CDC27: variants seen among roughly 807,000 people sequenced by gnomAD.
CDC27 encodes the protein cell division cycle 27.
A neutral mutation model predicts 109.7 loss-of-function variants in CDC27; 27 were observed. The observed-to-expected ratio is 0.25, with a 90% CI of 0.18 to 0.34. The LOEUF (loss-of-function observed/expected upper bound fraction) is 0.34, where lower values mean the gene tolerates loss of function less well. CDC27 is among the 10% of genes least tolerant of loss of function. The probability of loss-of-function intolerance (pLI) is 1.00; values close to 1 mark genes in which losing one functional copy is unlikely to be tolerated. For missense variants in CDC27, 579 were observed against 960.2 expected (o/e 0.60, Z 5.25); for synonymous variants, 266 against 333.9 (o/e 0.80, Z 2.22).
intron 1 of CDC27, chr17:47,188,685 A>G: frequency 1.1e-6 from 1 of 899,134 alleles, no homozygotes; most frequent in Non-Finnish European, 1.3e-6. Flanking sequence ...GACCGATCCT[A>G]CGCTCCCTCC....
intron 17 of CDC27, among the ~76,000 whole-genome samples, chr17:47,122,808 G>C (rs952551870): frequency 2.0e-5 from 3 of 152,010 alleles, no homozygotes; most frequent in Admixed American, 2.0e-4. Context: ...TGAGTAGCTC[G>C]GACTACAGGT....
chr17:47,132,395 A>T (rs755651588), intron 14 of CDC27, 21 bp from the exon 15 acceptor site: 2 of 1,176,254 alleles, frequency 1.7e-6, no homozygotes, highest in Admixed American at 4.4e-5. Flanking sequence ...AAAACAAAGT[A>T]TAATTTTAAA....
chr17:47,184,184 A>T (rs1757218087), intron 1 of CDC27, among the ~76,000 whole-genome samples: 2 of 152,272 alleles, frequency 1.3e-5, no homozygotes, highest in Admixed American at 1.3e-4. Context: ...CTCAGCCTCA[A>T]TCTCTTCATC....
chr17:47,159,797 A>C, intron 4 of CDC27: 1 of 444,000 alleles, frequency 2.3e-6, no homozygotes, highest in Non-Finnish European at 4.4e-6. Context: ...AAAGTCAATG[A>C]TCTCAGATTC....
rs1245567648 is a variant in CDC27 at position 47,119,620 on chromosome 17, TTACAG to T, written c.*1310_*1314del. 2 of 152,276 alleles carry T rather than the reference TTACAG, an allele frequency of 1.3e-5. No homozygotes were observed. The highest frequency in any genetic ancestry group is 4.8e-5 in the African/African-American group (2 of 41,564). 9.4% of individuals were successfully genotyped at this position (152,276 alleles called of 1,614,324 possible). On this transcript the variant is annotated 3_prime_UTR_variant, in exon 19 of 19. Transcript: ENST00000066544. ...AAATTTCTCTAAAAATTTCAATACA[TTACAG>T]TAAAGGAGATAAACAATTTAAGACT...
intron 15 of CDC27, among the ~76,000 whole-genome samples, chr17:47,130,671 T>C (rs1010914916): frequency 2.6e-5 from 4 of 151,940 alleles, no homozygotes; most frequent in African/African-American, 9.7e-5. Context: ...GGTCAAGAGT[T>C]CGAGACCAGC....
chr17:47,160,093 T>C (rs2063452420), intron 4 of CDC27: 1 of 181,706 alleles, frequency 5.5e-6, no homozygotes, highest in African/African-American at 2.4e-5. Flanking sequence ...GCTTCCTTAA[T>C]GAAAAGGAAA....
intron 2 of CDC27, among the ~76,000 whole-genome samples, chr17:47,176,501 A>C (rs1019691831): frequency 8.5e-5 from 13 of 152,344 alleles, no homozygotes; most frequent in South Asian, 4.1e-4. Flanking sequence ...AAGACCACAA[A>C]TAAAAGAGGG....
intron 15 of CDC27, among the ~76,000 whole-genome samples, chr17:47,131,279 A>C (rs2062322086): frequency 6.6e-6 from 1 of 152,236 alleles, no homozygotes; most frequent in South Asian, 2.1e-4. Flanking sequence ...TAGACACATT[A>C]TCTCTCCATT....
At chr17:47,161,351 A>T (rs924441344) in intron 4 of CDC27, among the ~76,000 whole-genome samples, 1 of 152,180 alleles carries the variant, frequency 6.6e-6, no homozygotes, top group Non-Finnish European at 1.5e-5. Context: ...GTGGTAATTT[A>T]GAAATAGGAA....
At chr17:47,122,220 CA>C (rs1423382040) in intron 18 of CDC27, among the ~76,000 whole-genome samples, 1 of 151,480 alleles carries the variant, frequency 6.6e-6, no homozygotes, top group African/African-American at 2.4e-5. Context: ...TAAAACTTAG[CA>C]ATGAATTTGT....
chr17:47,178,171 G>A (rs1429025326), intron 2 of CDC27, among the ~76,000 whole-genome samples: 1 of 152,014 alleles, frequency 6.6e-6, no homozygotes, highest in African/African-American at 2.4e-5. Flanking sequence ...GTGGTTATCA[G>A]CCTACGTTAA....
At chr17:47,133,696 G>A (rs971997961) in intron 14 of CDC27, among the ~76,000 whole-genome samples, 2 of 151,868 alleles carry the variant, frequency 1.3e-5, no homozygotes, top group East Asian at 1.9e-4. Context: ...CCTCGGCCTC[G>A]GCCTCCCAAA....
intron 14 of CDC27, among the ~76,000 whole-genome samples, chr17:47,134,648 G>A (rs560675971): frequency 6.6e-6 from 1 of 151,988 alleles, no homozygotes; most frequent in Non-Finnish European, 1.5e-5. Flanking sequence ...GCTAATTTTT[G>A]TATTTTTAGT....
At chr17:47,124,818 A>C (rs921706240) in intron 16 of CDC27, among the ~76,000 whole-genome samples, 1 of 152,194 alleles carries the variant, frequency 6.6e-6, no homozygotes, top group Non-Finnish European at 1.5e-5. Context: ...TAACGTCAAG[A>C]TATTATTGTA....
intron 4 of CDC27, among the ~76,000 whole-genome samples, chr17:47,166,411 C>T (rs1177733803): frequency 2.0e-5 from 3 of 151,992 alleles, no homozygotes; most frequent in Non-Finnish European, 4.4e-5. Context: ...TTTAAGTTTT[C>T]AGCATACACA....
chr17:47,132,225 A>C (rs1014299809), intron 15 of CDC27, 32 bp downstream of exon 15: 2 of 965,338 alleles, frequency 2.1e-6, no homozygotes, highest in Non-Finnish European at 3.2e-6. Context: ...AAGGGAGATT[A>C]ATAGAGTATT....
chr17:47,149,526 A>G (rs944848165), intron 9 of CDC27, among the ~76,000 whole-genome samples: 23 of 151,994 alleles, frequency 1.5e-4, no homozygotes, highest in South Asian at 4.1e-4. Context: ...AAAAAAAAAA[A>G]AAAAGAAATG....
At chr17:47,127,128 A>C (rs2062166321) in intron 16 of CDC27, among the ~76,000 whole-genome samples, 1 of 152,104 alleles carries the variant, frequency 6.6e-6, no homozygotes, top group Admixed American at 6.6e-5. Context: ...CAGTTAGATA[A>C]AAAAATTAGC....
Sources: gnomAD v4.1 joint callset for allele counts (sites outside exome capture counted in the v4.1 genomes callset) on GRCh38, gnomAD v4.1.1 for gene constraint, MANE v1.5 for transcripts, NCBI Gene and HGNC (gene_info 2026-07-23, HGNC 2026-07-21) for gene names.